HS3ST2: variants seen among roughly 807,000 people sequenced by gnomAD.
HS3ST2 encodes heparan sulfate-glucosamine 3-sulfotransferase 2.
HS3ST2 carries 17 observed loss-of-function variants against 26.3 expected under a neutral mutation model. That is an observed-to-expected ratio of 0.65 (90% CI 0.44 to 0.97). HS3ST2 has a LOEUF of 0.97. Ranked by LOEUF, HS3ST2 falls within the 50% of genes least tolerant of loss-of-function variation. HS3ST2 has a pLI of 0.00. For synonymous variants in HS3ST2, 237 were observed against 219.2 expected (o/e 1.08, Z -0.72); for missense variants, 402 against 501.2 (o/e 0.80, Z 1.89).
intron 1 of HS3ST2, among the ~76,000 whole-genome samples, chr16:22,900,288 A>G (rs1277558917): frequency 6.6e-6 from 1 of 152,214 alleles, no homozygotes; most frequent in Non-Finnish European, 1.5e-5. Context: ...AGGGGGATAA[A>G]GATCCCTTTG....
In HS3ST2 at chr16:22,878,748, C is replaced by T. The variant is rs143529046; in HGVS notation, c.486-36196C>T. Among the ~76,000 whole-genome samples the T allele has an allele frequency of 5.5e-3, 836 of 152,152 alleles. 17 individuals are homozygous for T. Among genetic ancestry groups the T allele is most frequent in the African/African-American group, 0.019 (791 of 41,504 alleles). On this transcript the variant is annotated intron_variant, in intron 1 of 1. Transcript: ENST00000261374. ...AGACAGGTGGTCAGGGAAGTGCCCC[C>T]GAGAGAGCAACATTTGAGTGCAGGC... is the stretch of plus-strand genomic sequence containing the variant.
At chr16:22,882,607 G>A (rs908536741) in intron 1 of HS3ST2, among the ~76,000 whole-genome samples, 6 of 152,220 alleles carry the variant, frequency 3.9e-5, no homozygotes, top group East Asian at 3.9e-4. Flanking sequence ...GGTGGCATGC[G>A]CCTATAGTCC....
Position 22,814,443 on chromosome 16 carries a change from C to T in HS3ST2, c.-168C>T. On this transcript the variant is annotated 5_prime_UTR_variant, in exon 1 of 2. Transcript: ENST00000261374. ...CCGCTGCCCCCGGGACCCCCTGGCA[C>T]TGTGCGCACCCTGGTCAGCAGCCCC... 1 of 604,024 alleles carries T rather than the reference C, an allele frequency of 1.7e-6. No individual in the cohort carries two copies. Among genetic ancestry groups the T allele is most frequent in the Non-Finnish European group, 2.7e-6 (1 of 373,564 alleles). The allele number at this position is 604,024 out of a possible 1,614,324, so 37.4% of individuals were successfully genotyped here.
intron 1 of HS3ST2, among the ~76,000 whole-genome samples, chr16:22,871,250 G>C (rs1453343279): frequency 6.6e-6 from 1 of 152,020 alleles, no homozygotes. Context: ...CAGCTACTTG[G>C]GAAGCTGAGG....
Position 22,814,753 on chromosome 16 carries a change from G to A in HS3ST2, c.143G>A (p.Arg48His). The change falls in exon 1 of 2, where the codon CGC becomes CAC. Residue 48 changes from arginine (R) to histidine (H), a missense_variant. By Grantham distance (29) the Arg-to-His change is conservative. This residue lies in a region of HS3ST2 where 165 missense variants were observed against 154.6 expected (regional missense o/e 1.07). Transcript: ENST00000261374. ...LCCCDDLGRS[R>H]LLGAPRCLRG... Reference sequence around the variant, plus strand: ...TGCTGCGACGACCTGGGTCGGAGCCGCCTCCTCGGCGCGCCTCGCTGCCTC... The same window carrying A: ...TGCTGCGACGACCTGGGTCGGAGCCACCTCCTCGGCGCGCCTCGCTGCCTC... 2 of 1,607,412 alleles carry A rather than the reference G, an allele frequency of 1.2e-6. No homozygotes were observed. The highest frequency in any genetic ancestry group is 1.7e-6 in the Non-Finnish European group (2 of 1,177,962).
chr16:22,915,789 C>A lies in HS3ST2; in HGVS notation c.*227C>A. On this transcript the variant is annotated 3_prime_UTR_variant, in exon 2 of 2. Transcript: ENST00000261374. ...AAGCAAAGTTGATCTGCTCCTGGCA[C>A]GTCCAGTAAATTCCAGAATCATTCT... 5 of 546,374 alleles carry A rather than the reference C, an allele frequency of 9.2e-6. No homozygotes were observed. Among genetic ancestry groups the A allele is most frequent in the Non-Finnish European group, 1.3e-5 (4 of 309,730 alleles). The allele number at this position is 546,374 out of a possible 1,614,324, so 33.8% of individuals were successfully genotyped here. A position where few individuals can be genotyped will look rare whatever the true frequency, so the allele number is the denominator to read the frequency against.
In HS3ST2 at chr16:22,814,651, C is replaced by T. The variant is rs755125396; in HGVS notation, c.41C>T (p.Pro14Leu). Residue 14 changes from proline to leucine, a missense_variant, in exon 1 of 2, where the codon CCG (proline) becomes CTG (leucine). Physicochemically the swap from Pro to Leu is moderately conservative, Grantham distance 98 (BLOSUM62 -3). Transcript: ENST00000261374. ...RVLGRAGPPQ[P>L]RRARRLLFAF... ...CTGGGCCGCGCGGGGCCACCTCAGC[C>T]GCGGAGGGCGCGCAGGCTGCTCTTC... The T allele has an allele frequency of 1.3e-6, 2 of 1,561,200 alleles. No homozygotes were observed. The highest frequency in any genetic ancestry group is 1.7e-6 in the Non-Finnish European group (2 of 1,154,314).
intron 1 of HS3ST2, among the ~76,000 whole-genome samples, chr16:22,851,354 T>A (rs1382314142): frequency 6.6e-6 from 1 of 152,252 alleles, no homozygotes; most frequent in Non-Finnish European, 1.5e-5. Flanking sequence ...GGGTAGAAAC[T>A]GACTTTGTCT....
At chr16:22,824,580 A>C (rs1272167385) in intron 1 of HS3ST2, among the ~76,000 whole-genome samples, 2 of 151,874 alleles carry the variant, frequency 1.3e-5, no homozygotes, top group African/African-American at 2.4e-5. Flanking sequence ...ACAAACAAAC[A>C]AACCATGAAG....
chr16:22,900,946 C>T (rs1902275154), intron 1 of HS3ST2, among the ~76,000 whole-genome samples: 1 of 152,102 alleles, frequency 6.6e-6, no homozygotes, highest in South Asian at 2.1e-4. Flanking sequence ...AGGAGATATA[C>T]AGGACTGTCG....
chr16:22,866,394 G>A (rs1230643023), intron 1 of HS3ST2, among the ~76,000 whole-genome samples: 1 of 151,760 alleles, frequency 6.6e-6, no homozygotes, highest in East Asian at 1.9e-4. Context: ...GTGTGTGTGT[G>A]TGTGTGTGTG....
intron 1 of HS3ST2, among the ~76,000 whole-genome samples, chr16:22,875,918 G>T (rs914322358): frequency 6.6e-6 from 1 of 152,110 alleles, no homozygotes; most frequent in Non-Finnish European, 1.5e-5. Context: ...CAGTATTCAG[G>T]ACAGCAACAT....
intron 1 of HS3ST2, among the ~76,000 whole-genome samples, chr16:22,854,323 C>T (rs1901560174): frequency 6.6e-6 from 1 of 152,116 alleles, no homozygotes; most frequent in African/African-American, 2.4e-5. Flanking sequence ...AGAACTTTGC[C>T]AGGATACGTA....
chr16:22,835,186 TTTTG>T (rs1044021507), intron 1 of HS3ST2, among the ~76,000 whole-genome samples: 6 of 152,218 alleles, frequency 3.9e-5, no homozygotes, highest in Middle Eastern at 3.4e-3. Context: ...GTTCATTTTT[TTTTG>T]TTTATTTTTT....
At chr16:22,859,313 T>A (rs1203354095) in intron 1 of HS3ST2, among the ~76,000 whole-genome samples, 1 of 152,222 alleles carries the variant, frequency 6.6e-6, no homozygotes, top group East Asian at 1.9e-4. Flanking sequence ...AAAGTACAAG[T>A]TATTTTTCAT....
chr16:22,836,476 G>A (rs1298097570), intron 1 of HS3ST2, among the ~76,000 whole-genome samples: 2 of 152,172 alleles, frequency 1.3e-5, no homozygotes, highest in Non-Finnish European at 1.5e-5. Flanking sequence ...TCTTATAACT[G>A]TATCAACCAT....
chr16:22,837,473 T>G lies in HS3ST2; in HGVS notation c.485+22378T>G, dbSNP rs188493386. On this transcript the variant is annotated intron_variant, in intron 1 of 1. Transcript: ENST00000261374. The stretch of plus-strand genomic sequence containing the variant: ...ATAATACCAAACCCTATATATAATG[T>G]TTTTTTCCTATGTGTGTGTGTGTGT... Among the ~76,000 whole-genome samples the G allele has an allele frequency of 8.5e-4, 122 of 142,940 alleles. 1 individual carries two copies. The East Asian group carries it at 0.019, about 23-fold the overall frequency. 93.8% of individuals were successfully genotyped at this position (142,940 alleles called of 152,430 possible). A position where few individuals can be genotyped will look rare whatever the true frequency, so the allele number is the denominator to read the frequency against.
At chr16:22,846,955 A>G (rs1216132019) in intron 1 of HS3ST2, among the ~76,000 whole-genome samples, 3 of 152,180 alleles carry the variant, frequency 2.0e-5, no homozygotes, top group Non-Finnish European at 4.4e-5. Context: ...AAATGTGATG[A>G]ATACAAAACA....
At chr16:22,866,956 C>T (rs951599560) in intron 1 of HS3ST2, among the ~76,000 whole-genome samples, 6 of 151,884 alleles carry the variant, frequency 4.0e-5, no homozygotes, top group African/African-American at 1.5e-4. Context: ...AAATGGAAAC[C>T]CCTATGAAAA....
Sources: allele counts gnomAD v4.1 joint callset (sites outside exome capture counted in the v4.1 genomes callset), GRCh38; gene constraint gnomAD v4.1.1; regional missense constraint gnomAD v4.1.1; transcripts MANE v1.5; gene names NCBI Gene and HGNC (gene_info 2026-07-23, HGNC 2026-07-21).